The following DNAH7 variants were observed in gnomAD, a reference collection of about 807,000 sequenced individuals.
DNAH7 encodes dynein axonemal heavy chain 7, also known as axonemal beta dynein heavy chain 7.
Under a neutral mutation model 444.6 loss-of-function variants are expected in DNAH7, and 397 were observed. The observed-to-expected ratio is 0.89, with a 90% confidence interval of 0.82 to 0.97. DNAH7 has a LOEUF of 0.97. Among genes scored for constraint, DNAH7 ranks in the 50% least tolerant of loss-of-function variants. DNAH7 has a pLI of 0.00. For synonymous variants in DNAH7, 1,636 were observed against 1,624.4 expected (o/e 1.01, Z -0.17); for missense variants, 4,902 against 4,800.8 (o/e 1.02, Z -0.62).
chr2:195,775,371 G>C (rs963905072), intron 60 of DNAH7, among the ~76,000 whole-genome samples: 1 of 152,140 alleles, frequency 6.6e-6, no homozygotes, highest in Non-Finnish European at 1.5e-5. Context: ...GAAAAAATAT[G>C]AGTGTGAATG....
At chr2:195,971,270 C>T (rs1467987722) in intron 16 of DNAH7, among the ~76,000 whole-genome samples, 1 of 152,184 alleles carries the variant, frequency 6.6e-6, no homozygotes. Context: ...TACTCTTCCA[C>T]CTGTAAAATG....
rs148579567 is a variant in DNAH7 at position 195,903,991 on chromosome 2, A to G, written c.4335+2668T>C. ...ATTGGGAAAAGGATTTATGAGCGGT[A>G]CACAACAAAGAAGGGCCACACTGAA... On this transcript the variant is annotated intron_variant, in intron 27 of 64. Coordinates refer to ENST00000312428, the MANE Select transcript of DNAH7 (RefSeq NM_018897.3). The G allele has an allele frequency of 9.8e-3, 1,499 of 152,340 alleles. 19 individuals carry two copies. Among genetic ancestry groups the G allele is most frequent in the Non-Finnish European group, 0.013 (887 of 68,086 alleles). The allele number at this position is 152,340 out of a possible 1,614,324, so 9.4% of individuals were successfully genotyped here.
At chr2:196,006,875 AAATTACATACAT>A (rs754790286) in intron 10 of DNAH7, among the ~76,000 whole-genome samples, 3 of 152,082 alleles carry the variant, frequency 2.0e-5, no homozygotes, top group Non-Finnish European at 4.4e-5. Context: ...AATACATATA[AAATTACATACAT>A]AATTACATAC....
chr2:195,956,819 A>G (rs1690696465), intron 19 of DNAH7, among the ~76,000 whole-genome samples: 1 of 151,998 alleles, frequency 6.6e-6, no homozygotes, highest in South Asian at 2.1e-4. Context: ...CTTTTTAGAT[A>G]TATTTATCCT....
intron 35 of DNAH7, among the ~76,000 whole-genome samples, chr2:195,882,613 G>A (rs1440880537): frequency 6.6e-6 from 1 of 152,154 alleles, no homozygotes; most frequent in Non-Finnish European, 1.5e-5. Context: ...TTAACATTGT[G>A]CCATATCTTT....
intron 10 of DNAH7, among the ~76,000 whole-genome samples, chr2:196,005,304 A>AAACAAAC (rs1170045869): frequency 2.7e-5 from 4 of 145,900 alleles, no homozygotes; most frequent in African/African-American, 1.1e-4. Context: ...ACAAACAAAC[A>AAACAAAC]AAAATATATA....
chr2:195,874,617 G>C (rs1023906640), intron 38 of DNAH7, among the ~76,000 whole-genome samples: 1 of 148,148 alleles, frequency 6.8e-6, no homozygotes, highest in African/African-American at 2.5e-5. Flanking sequence ...AAAAAAAACA[G>C]CCTGGGCATA....
chr2:195,922,273 A>G, intron 23 of DNAH7, 76 bp from the exon 24 acceptor site: 2 of 833,502 alleles, frequency 2.4e-6, no homozygotes, highest in Non-Finnish European at 4.0e-6. Flanking sequence ...TTTAATAAGT[A>G]ATAACCATAA....
At chr2:195,945,617 T>C (rs1296455533) in intron 19 of DNAH7, among the ~76,000 whole-genome samples, 15 of 152,202 alleles carry the variant, frequency 9.9e-5, no homozygotes, top group Non-Finnish European at 1.5e-5. Context: ...GATGATCTTT[T>C]CTGCTTTTCA....
At position 195,969,986 on chromosome 2, in the gene DNAH7, G is replaced by C. The variant is rs747904123; in HGVS notation, c.2167C>G (p.Gln723Glu). 6.2e-7 allele frequency: 1 copy of C among 1,611,124 alleles called. No homozygotes were observed. Among genetic ancestry groups the C allele is most frequent in the Non-Finnish European group, 8.5e-7 (1 of 1,179,084 alleles). Reference sequence around the variant, plus strand: ...AAATCCAACTTTCCATTCAGTATTTGAGCCTTTTTTAGGTACCGCTGAACA... The same window carrying C: ...AAATCCAACTTTCCATTCAGTATTTCAGCCTTTTTTAGGTACCGCTGAACA... ...QDVQRYLKKA[Q>E]ILNGKLDLAA... Residue 723 changes from glutamine to glutamate, a missense_variant, in exon 17 of 65, where the codon CAA (glutamine) becomes GAA (glutamate). Gln to Glu is a conservative substitution (Grantham distance 29, BLOSUM62 2). Coordinates refer to ENST00000312428, the MANE Select transcript of DNAH7 (RefSeq NM_018897.3).
Position 195,777,808 on chromosome 2 carries a change from A to G in DNAH7, c.11056T>C (p.Ser3686Pro), listed in dbSNP as rs1182528459. The G allele has an allele frequency of 1.2e-6, 2 of 1,611,236 alleles. No individual in the cohort carries two copies. The highest frequency in any genetic ancestry group is 1.7e-5 in the Admixed American group (1 of 59,898). The change falls in exon 59 of 65, where the codon TCT becomes CCT. Residue 3686 changes from serine to proline, a missense_variant. Physicochemically the swap from Ser to Pro is moderately conservative, Grantham distance 74. Transcript: ENST00000312428. Reference sequence around the variant, plus strand: ...TTGAAGGGCATACTTACATCACCAGAAGGAGGAACAAAATAGATGCCACTT... The same window carrying G: ...TTGAAGGGCATACTTACATCACCAGGAGGAGGAACAAAATAGATGCCACTT... ...DSSGIYFVPP[S>P]GDHKSYIEYT...
chr2:195,923,627 C>G lies in DNAH7; in HGVS notation c.3793G>C (p.Glu1265Gln), dbSNP rs775661547. Residue 1265 changes from glutamate (E) to glutamine (Q), a missense_variant, in exon 23 of 65, where the codon GAA (glutamate) becomes CAA (glutamine). Coordinates refer to ENST00000312428, the MANE Select transcript of DNAH7 (RefSeq NM_018897.3). Reference protein sequence around the residue: ...KKNISDDSDFEWLSQLRYYWQ... With the variant: ...KKNISDDSDFQWLSQLRYYWQ... Reference sequence around the variant, plus strand: ...TAGTACCTAAGCTGACTTAACCATTCAAAGTCAGAGTCATCGCTAATATTT... The same window carrying G: ...TAGTACCTAAGCTGACTTAACCATTGAAAGTCAGAGTCATCGCTAATATTT... The G allele has an allele frequency of 6.2e-7, 1 of 1,614,062 alleles. No homozygotes were observed. The highest frequency in any genetic ancestry group is 2.2e-5 in the East Asian group (1 of 44,860).
intron 19 of DNAH7, among the ~76,000 whole-genome samples, chr2:195,949,566 G>A (rs1422286305): frequency 2.0e-5 from 3 of 152,154 alleles, no homozygotes; most frequent in South Asian, 2.1e-4. Flanking sequence ...TTACAGGCAT[G>A]AGCCACAGCG....
chr2:196,030,683 A>G (rs927583264), intron 5 of DNAH7, among the ~76,000 whole-genome samples: 1 of 152,266 alleles, frequency 6.6e-6, no homozygotes. Flanking sequence ...AAGTGGTTAC[A>G]GAGCCCATTC....
intron 19 of DNAH7, among the ~76,000 whole-genome samples, chr2:195,945,237 C>T (rs1689719988): frequency 6.6e-6 from 1 of 152,032 alleles, no homozygotes; most frequent in Non-Finnish European, 1.5e-5. Context: ...AGCATACTTC[C>T]AGGACAGACT....
At chr2:195,743,971 G>C (rs1693211755) in intron 63 of DNAH7, among the ~76,000 whole-genome samples, 1 of 152,216 alleles carries the variant, frequency 6.6e-6, no homozygotes, top group African/African-American at 2.4e-5. Context: ...TCCATCTGAG[G>C]TACCGGGCTC....
At chr2:195,826,368 A>G (rs1006308413) in intron 48 of DNAH7, among the ~76,000 whole-genome samples, 1 of 152,228 alleles carries the variant, frequency 6.6e-6, no homozygotes, top group East Asian at 1.9e-4. Flanking sequence ...TGTCATGCTC[A>G]TAACTGTAAA....
intron 54 of DNAH7, among the ~76,000 whole-genome samples, chr2:195,800,989 A>G (rs1365343911): frequency 6.6e-6 from 1 of 152,134 alleles, no homozygotes; most frequent in East Asian, 1.9e-4. Flanking sequence ...TGACAAAACA[A>G]ATGGAATGAA....
At chr2:195,779,955 CTT>C (rs1695292969) in intron 58 of DNAH7, among the ~76,000 whole-genome samples, 1 of 152,018 alleles carries the variant, frequency 6.6e-6, no homozygotes, top group Non-Finnish European at 1.5e-5. Flanking sequence ...TATAAACTGA[CTT>C]TTATTTTTCA....
Sources: allele counts gnomAD v4.1 joint callset (sites outside exome capture counted in the v4.1 genomes callset), GRCh38; gene constraint gnomAD v4.1.1; transcripts MANE v1.5; gene names NCBI Gene and HGNC (gene_info 2026-07-23, HGNC 2026-07-21).